UBASH3A: variants seen among roughly 807,000 people sequenced by gnomAD.
UBASH3A encodes ubiquitin-associated and SH3 domain-containing protein A.
UBASH3A carries 63 observed loss-of-function variants against 73.5 expected under a neutral mutation model. The ratio of observed to expected loss-of-function variants is 0.86; its 90% CI spans 0.70 to 1.06. The LOEUF is 1.06. Among genes scored for constraint, UBASH3A ranks in the 50% least tolerant of loss-of-function variants. The pLI, the probability that UBASH3A is intolerant of heterozygous loss-of-function variation, is 0.00. For missense variants in UBASH3A, 860 were observed against 859.0 expected, an observed-to-expected ratio of 1.00 and a Z score of -0.02; for synonymous variants, 363 against 351.1, an observed-to-expected ratio of 1.03 and a Z score of -0.38.
At chr21:42,446,378 C>T (rs1417879604) in intron 14 of UBASH3A, among the ~76,000 whole-genome samples, 1 of 152,204 alleles carries the variant, frequency 6.6e-6, no homozygotes, top group East Asian at 1.9e-4. Context: ...CATCACCGCC[C>T]CTCGCCCACA....
Position 42,413,312 on chromosome 21 carries a change from C to G in UBASH3A, c.553+90C>G. 1 of 1,553,234 alleles carries G rather than the reference C, an allele frequency of 6.4e-7. No homozygotes were observed. Among genetic ancestry groups the G allele is most frequent in the African/African-American group, 1.4e-5 (1 of 73,906 alleles). ...GGGACTAGCCCCCGGCACATGGATG[C>G]AGTGGGTGGGTTCCAGGGGAGCAGA... On this transcript the variant is annotated intron_variant, in intron 4 of 14. Coordinates refer to ENST00000319294, the MANE Select transcript of UBASH3A (RefSeq NM_018961.4). The surrounding 1 kb of genome is among the most constrained non-coding windows in gnomAD (Gnocchi z 4.5).
rs149128898 is a variant in UBASH3A, at chr21:42,440,520, T to C, written c.1487-1932T>C. Among the ~76,000 whole-genome samples, 8 of 152,326 alleles carry C rather than the reference T, an allele frequency of 5.3e-5. No homozygotes were observed. The East Asian group carries it at 1.5e-3, about 29-fold the overall frequency. ...TGCCTCAGTTTCCCCTCTTCTCCCC[T>C]GTCGCTGGTCTTTGCACCCCACCAC... is the stretch of plus-strand genomic sequence containing the variant. On this transcript the variant is annotated intron_variant, in intron 11 of 14. Transcript: ENST00000319294.
chr21:42,436,409 G>A (rs2053628594), intron 10 of UBASH3A, among the ~76,000 whole-genome samples: 1 of 152,136 alleles, frequency 6.6e-6, no homozygotes, highest in Admixed American at 6.5e-5. Context: ...AGGAGATGGT[G>A]GTCCCAGGCC....
At chr21:42,420,079 G>A (rs527793923) in intron 7 of UBASH3A, among the ~76,000 whole-genome samples, 151 of 152,248 alleles carry the variant, frequency 9.9e-4, no homozygotes, top group African/African-American at 3.4e-3. Flanking sequence ...TTTAGTAAAA[G>A]TTTAACCAGA....
intron 10 of UBASH3A, among the ~76,000 whole-genome samples, chr21:42,436,152 T>C (rs563933976): frequency 9.2e-5 from 14 of 151,998 alleles, no homozygotes; most frequent in African/African-American, 2.7e-4. Context: ...TATAGAGTTA[T>C]AGAGCTATAG....
At chr21:42,419,435 C>T (rs1201197702) in intron 7 of UBASH3A, among the ~76,000 whole-genome samples, 5 of 152,204 alleles carry the variant, frequency 3.3e-5, no homozygotes, top group African/African-American at 7.2e-5. Flanking sequence ...CCAACATCAT[C>T]GCTTACAAGT....
intron 5 of UBASH3A, 123 bp from the exon 6 acceptor site, chr21:42,416,319 A>G (rs2053205655): frequency 3.0e-6 from 3 of 1,009,912 alleles, no homozygotes; most frequent in Non-Finnish European, 4.1e-6. Context: ...GTGAGTTCTG[A>G]GCGGGCCAAA....
rs201345718 is a variant in UBASH3A, at chr21:42,447,579, G to GT, written c.*391dup. The GT allele has an allele frequency of 0.011, 1,861 of 163,226 alleles. 17 individuals are homozygous for GT. Among genetic ancestry groups the GT allele is most frequent in the Non-Finnish European group, 0.019 (1,473 of 75,662 alleles). The allele number at this position is 163,226 out of a possible 1,614,324, so 10.1% of individuals were successfully genotyped here. ...TGGTCTAATCATTAAATTCCCAATCGTTTTTTCTTTTTCTGGGTCCATCAC... is the reference window on the plus strand; with the variant it reads ...TGGTCTAATCATTAAATTCCCAATCGTTTTTTTCTTTTTCTGGGTCCATCAC... On this transcript the variant is annotated 3_prime_UTR_variant, in exon 15 of 15. Transcript: ENST00000319294.
chr21:42,446,948 T>C, intron 14 of UBASH3A, 109 bp from the exon 15 acceptor site: 7 of 1,299,564 alleles, frequency 5.4e-6, no homozygotes, highest in Non-Finnish European at 7.4e-6. Flanking sequence ...GCCTGGGCAG[T>C]CGCAGACCCT....
At chr21:42,425,592 G>A (rs1209014072) in intron 7 of UBASH3A, among the ~76,000 whole-genome samples, 1 of 152,192 alleles carries the variant, frequency 6.6e-6, no homozygotes, top group East Asian at 1.9e-4. Flanking sequence ...CTATCTAATG[G>A]CATCTGACAG....
At chr21:42,441,951 G>A (rs2053753443) in intron 11 of UBASH3A, among the ~76,000 whole-genome samples, 1 of 152,172 alleles carries the variant, frequency 6.6e-6, no homozygotes, top group Non-Finnish European at 1.5e-5. Context: ...GAGTTGCAGG[G>A]AGTCAGAATA....
In UBASH3A at chr21:42,413,052, A is replaced by G. The variant is rs774809157; in HGVS notation, c.383A>G (p.Tyr128Cys). 6 of 1,614,092 alleles carry G rather than the reference A, an allele frequency of 3.7e-6. No individual in the cohort carries two copies. Among genetic ancestry groups the G allele is most frequent in the Non-Finnish European group, 5.1e-6 (6 of 1,180,038 alleles). ...TCEDQKVECL[Y>C]EALKRAGDRL... ...GAAGACCAGAAGGTGGAATGCCTGT[A>G]CGAGGCGCTGAAGAGAGCTGGAGAC... The change falls in exon 4 of 15, where the codon TAC (tyrosine) becomes TGC (cysteine). Residue 128 changes from tyrosine (Y) to cysteine (C), a missense_variant. Transcript: ENST00000319294. This position sits in a 1 kb window ranked among gnomAD's most constrained non-coding sequence, Gnocchi z 4.5.
At chr21:42,423,311 G>A (rs2053374203) in intron 7 of UBASH3A, among the ~76,000 whole-genome samples, 1 of 152,244 alleles carries the variant, frequency 6.6e-6, no homozygotes, top group Admixed American at 6.5e-5. Flanking sequence ...CAAAATCACA[G>A]GATGTGGGTG....
At chr21:42,438,284 A>T (rs2053664214) in intron 11 of UBASH3A, among the ~76,000 whole-genome samples, 1 of 152,112 alleles carries the variant, frequency 6.6e-6, no homozygotes, top group Non-Finnish European at 1.5e-5. Context: ...CAGGAGGGCA[A>T]ATGTGGGGGA....
intron 7 of UBASH3A, among the ~76,000 whole-genome samples, chr21:42,425,829 A>C (rs1000298597): frequency 6.6e-6 from 1 of 152,110 alleles, no homozygotes; most frequent in Non-Finnish European, 1.5e-5. Context: ...AACATTTGCA[A>C]ATGGGCTGGA....
Position 42,413,479 on chromosome 21 carries a change from A to G in UBASH3A, c.623A>G (p.Asn208Ser), listed in dbSNP as rs1343186513. The G allele has an allele frequency of 6.2e-7, 1 of 1,614,160 alleles. No individual in the cohort carries two copies. The highest frequency in any genetic ancestry group is 8.5e-7 in the Non-Finnish European group (1 of 1,179,996). The change falls in exon 5 of 15, where the codon AAT becomes AGT. Residue 208 changes from asparagine (N) to serine (S), a missense_variant. Coordinates refer to ENST00000319294, the MANE Select transcript of UBASH3A (RefSeq NM_018961.4). This position sits in a 1 kb window ranked among gnomAD's most constrained non-coding sequence, Gnocchi z 4.5. ...CATGGCCCTAACCTGAGGCTGAGCA[A>G]TTTAACTAGAGCCTCCTTCGTGAGC... The part of the protein sequence containing the change: ...PGHGPNLRLS[N>S]LTRASFVSHY...
chr21:42,447,335 G>A lies in UBASH3A; in HGVS notation c.*141G>A, dbSNP rs535306327. 3.1e-4 allele frequency: 281 copies of A among 911,562 alleles called. No homozygotes were observed. Among genetic ancestry groups the A allele is most frequent in the Non-Finnish European group, 3.7e-4 (228 of 614,344 alleles). 56.5% of individuals were successfully genotyped at this position (911,562 alleles called of 1,614,324 possible). A position where few individuals can be genotyped will look rare whatever the true frequency, so the allele number is the denominator to read the frequency against. On this transcript the variant is annotated 3_prime_UTR_variant, in exon 15 of 15. Coordinates refer to ENST00000319294, the MANE Select transcript of UBASH3A (RefSeq NM_018961.4). ...AGCACGAGACGCACTTTTATATCCC[G>A]GAATATTTCCCTCCGGCTTTCGCCT...
chr21:42,406,471 G>T (rs2052979043), intron 2 of UBASH3A, 110 bp downstream of exon 2: 10 of 891,096 alleles, frequency 1.1e-5, no homozygotes, highest in Non-Finnish European at 1.9e-5. Context: ...GCCTCTGGGT[G>T]GGATGGGGCC....
At chr21:42,443,719 C>G (rs997814583) in intron 13 of UBASH3A, among the ~76,000 whole-genome samples, 3 of 147,380 alleles carry the variant, frequency 2.0e-5, no homozygotes, top group South Asian at 2.2e-4. Flanking sequence ...ATGAATGCCC[C>G]CACTTCCCCT....
Sources: gnomAD v4.1 joint callset for allele counts (sites outside exome capture counted in the v4.1 genomes callset) on GRCh38, gnomAD v4.1.1 for gene constraint, Gnocchi (gnomAD v3.1) non-coding constraint, MANE v1.5 for transcripts, NCBI Gene and HGNC (gene_info 2026-07-23, HGNC 2026-07-21) for gene names.